MSI2: variants seen among roughly 807,000 people sequenced by gnomAD.
The protein encoded by MSI2 is musashi RNA binding protein 2.
Under a neutral mutation model 45.6 loss-of-function variants are expected in MSI2, and 17 were observed. That is an observed-to-expected ratio of 0.37 (90% confidence interval 0.26 to 0.56). The LOEUF is 0.56. Among genes scored for constraint, MSI2 ranks in the 20% least tolerant of loss-of-function variants. The pLI is 0.77. For missense variants in MSI2, 293 were observed against 444.2 expected, an observed-to-expected ratio of 0.66 and a Z score of 3.06; for synonymous variants, 156 against 158.2, an observed-to-expected ratio of 0.99 and a Z score of 0.11.
At chr17:57,381,317 C>T (rs1424626159) in intron 5 of MSI2, among the ~76,000 whole-genome samples, 2 of 152,134 alleles carry the variant, frequency 1.3e-5, no homozygotes, top group Non-Finnish European at 2.9e-5. Flanking sequence ...CTGCCTGTCT[C>T]GGCCTCCCAG....
chr17:57,531,121 A>G (rs768690133), intron 7 of MSI2, among the ~76,000 whole-genome samples: 1 of 152,174 alleles, frequency 6.6e-6, no homozygotes, highest in Non-Finnish European at 1.5e-5. Flanking sequence ...ATTGAGGATT[A>G]TCCTCCATCA....
intron 6 of MSI2, among the ~76,000 whole-genome samples, chr17:57,401,818 G>A (rs2083997410): frequency 6.6e-6 from 1 of 152,212 alleles, no homozygotes; most frequent in South Asian, 2.1e-4. Flanking sequence ...CATGGAAGCT[G>A]CTAGAGGCCT....
intron 5 of MSI2, among the ~76,000 whole-genome samples, chr17:57,318,862 T>C (rs1014463465): frequency 1.3e-5 from 2 of 152,208 alleles, no homozygotes; most frequent in African/African-American, 4.8e-5. Context: ...ATTTGTTACA[T>C]ATAAATTTCC....
intron 7 of MSI2, among the ~76,000 whole-genome samples, chr17:57,562,005 T>G (rs1330457352): frequency 6.6e-6 from 1 of 152,248 alleles, no homozygotes; most frequent in African/African-American, 2.4e-5. Flanking sequence ...CTCTCTGATT[T>G]TCCTCATCTG....
At chr17:57,501,726 G>C (rs1180214442) in intron 6 of MSI2, among the ~76,000 whole-genome samples, 1 of 152,186 alleles carries the variant, frequency 6.6e-6, no homozygotes, top group Non-Finnish European at 1.5e-5. Context: ...CAACGAGACG[G>C]ACCTAGAATA....
chr17:57,345,600 C>A (rs1045455234), intron 5 of MSI2, among the ~76,000 whole-genome samples: 1 of 152,002 alleles, frequency 6.6e-6, no homozygotes, highest in Non-Finnish European at 1.5e-5. Context: ...GAGTGGATCA[C>A]CTGAGGTCAG....
chr17:57,325,222 A>T (rs780576796), intron 5 of MSI2, among the ~76,000 whole-genome samples: 4 of 152,238 alleles, frequency 2.6e-5, no homozygotes, highest in Non-Finnish European at 5.9e-5. Flanking sequence ...TGACTCAGGA[A>T]TGGAAAACCA....
Position 57,679,895 on chromosome 17 carries a change from A to G in MSI2, c.*378A>G, listed in dbSNP as rs774896664. 4 of 230,830 alleles carry G rather than the reference A, an allele frequency of 1.7e-5. No homozygotes were observed. The highest frequency in any genetic ancestry group is 3.4e-5 in the Non-Finnish European group (4 of 116,644). The allele number at this position is 230,830 out of a possible 1,614,324, so 14.3% of individuals were successfully genotyped here. A position where few individuals can be genotyped will look rare whatever the true frequency, so the allele number is the denominator to read the frequency against. On this transcript the variant is annotated 3_prime_UTR_variant, in exon 14 of 14. Transcript: ENST00000284073. ...CAGTAGTCACATAGCTTTAATATCT[A>G]GTTCAAAGCTAACCATAGTATAATT... is the stretch of plus-strand genomic sequence containing the variant.
intron 7 of MSI2, among the ~76,000 whole-genome samples, chr17:57,592,434 A>C (rs1292672422): frequency 6.6e-6 from 1 of 152,218 alleles, no homozygotes. Context: ...AAGGAATAAC[A>C]CTTATTGATA....
At chr17:57,584,103 C>T (rs2088279642) in intron 7 of MSI2, among the ~76,000 whole-genome samples, 1 of 152,162 alleles carries the variant, frequency 6.6e-6, no homozygotes, top group Non-Finnish European at 1.5e-5. Context: ...GAGCTCCAGA[C>T]TGTGCTGCCC....
At chr17:57,395,974 G>C (rs918609710) in intron 5 of MSI2, among the ~76,000 whole-genome samples, 10 of 152,192 alleles carry the variant, frequency 6.6e-5, no homozygotes, top group Non-Finnish European at 1.0e-4. Context: ...ATCCTACCCA[G>C]TGCTAGCATT....
Position 57,507,845 on chromosome 17 carries a change from T to C in MSI2, c.406-21831T>C, listed in dbSNP as rs1052841342. 6.6e-5 allele frequency among the ~76,000 whole-genome samples: 10 copies of C among 152,276 alleles called. 1 individual carries two copies. Among genetic ancestry groups the C allele is most frequent in the African/African-American group, 1.9e-4 (8 of 41,560 alleles). On this transcript the variant is annotated intron_variant, in intron 6 of 13. Transcript: ENST00000284073. Reference sequence around the variant, plus strand: ...TTTAAATTTGTAGGACGGGTCTTGTTGTATTGCCCAGACTGGTGTCGATCT... The same window carrying C: ...TTTAAATTTGTAGGACGGGTCTTGTCGTATTGCCCAGACTGGTGTCGATCT...
At chr17:57,314,756 A>G (rs4794719) in intron 5 of MSI2, among the ~76,000 whole-genome samples, 152,056 of 152,056 alleles carry the variant, frequency 1, 76,028 homozygotes, top group Non-Finnish European at 1. Flanking sequence ...ATTTTTAGTA[A>G]AAACGGGGTT....
intron 6 of MSI2, among the ~76,000 whole-genome samples, chr17:57,401,727 C>T (rs2083994850): frequency 6.6e-6 from 1 of 152,152 alleles, no homozygotes; most frequent in South Asian, 2.1e-4. Context: ...ATTTGCTGGC[C>T]ACACGGGGCC....
In MSI2 at chr17:57,652,252, T is replaced by C; in HGVS notation, c.790+91T>C. 1 of 1,272,196 alleles carries C rather than the reference T, an allele frequency of 7.9e-7. No individual in the cohort carries two copies. Among genetic ancestry groups the C allele is most frequent in the South Asian group, 1.2e-5 (1 of 82,294 alleles). 78.8% of individuals were successfully genotyped at this position (1,272,196 alleles called of 1,614,324 possible). A position where few individuals can be genotyped will look rare whatever the true frequency, so the allele number is the denominator to read the frequency against. ...CCTGTCGGATCTGTGTGGCTGCATC[T>C]GTCCAACACCACTCTCACCACAGCC... On this transcript the variant is annotated intron_variant, in intron 11 of 13. Transcript: ENST00000284073. This position sits in a 1 kb window ranked among gnomAD's most constrained non-coding sequence, Gnocchi z 4.1.
intron 7 of MSI2, among the ~76,000 whole-genome samples, chr17:57,543,701 G>A (rs1207388722): frequency 2.0e-5 from 3 of 152,106 alleles, no homozygotes; most frequent in Non-Finnish European, 1.5e-5. Context: ...ATGAGGAGAC[G>A]TCGTTTGAAA....
At chr17:57,637,363 A>G (rs2144641652) in intron 10 of MSI2, among the ~76,000 whole-genome samples, 1 of 152,352 alleles carries the variant, frequency 6.6e-6, no homozygotes, top group African/African-American at 2.4e-5. Context: ...GTGGAAAATC[A>G]GGAGTTGACT....
intron 7 of MSI2, among the ~76,000 whole-genome samples, chr17:57,590,647 T>C (rs1012008768): frequency 2.0e-5 from 3 of 152,204 alleles, no homozygotes; most frequent in African/African-American, 7.2e-5. Flanking sequence ...ACCACTGGTG[T>C]TTAGGGTTAA....
intron 5 of MSI2, among the ~76,000 whole-genome samples, chr17:57,374,159 CAG>C (rs1266515157): frequency 6.6e-5 from 10 of 152,308 alleles, no homozygotes; most frequent in African/African-American, 2.4e-4. Flanking sequence ...CAGACAAAGA[CAG>C]AAGCTATATG....
Sources: gnomAD v4.1 joint callset for allele counts (sites outside exome capture counted in the v4.1 genomes callset) on GRCh38, gnomAD v4.1.1 for gene constraint, Gnocchi (gnomAD v3.1) non-coding constraint, MANE v1.5 for transcripts, NCBI Gene and HGNC (gene_info 2026-07-23, HGNC 2026-07-21) for gene names.